CSMD3: variants seen among roughly 807,000 people sequenced by gnomAD.
CSMD3 encodes CUB and sushi domain-containing protein 3.
CSMD3 carries 177 observed loss-of-function variants against 435.2 expected under a neutral mutation model. That is an observed-to-expected ratio of 0.41 (90% CI 0.36 to 0.46). The LOEUF (loss-of-function observed/expected upper bound fraction) is 0.46. Among genes scored for constraint, CSMD3 ranks in the 20% least tolerant of loss-of-function variants. The pLI is 0.34. For missense variants in CSMD3, 4,265 were observed against 4,504.6 expected (o/e 0.95, Z 1.52); for synonymous variants, 1,656 against 1,520.5 (o/e 1.09, Z -2.07).
At chr8:113,078,635 T>A (rs1431270383) in intron 5 of CSMD3, among the ~76,000 whole-genome samples, 1 of 152,204 alleles carries the variant, frequency 6.6e-6, no homozygotes, top group Admixed American at 6.5e-5. Context: ...TTCTGGTTAA[T>A]TTTTGAACAC....
At chr8:112,387,588 T>C (rs964321992) in intron 36 of CSMD3, among the ~76,000 whole-genome samples, 5 of 152,048 alleles carry the variant, frequency 3.3e-5, no homozygotes, top group Non-Finnish European at 1.5e-5. Flanking sequence ...GATAGTTTTT[T>C]TTTAGCGTGT....
intron 38 of CSMD3, among the ~76,000 whole-genome samples, chr8:112,366,198 T>A (rs555670758): frequency 1.2e-3 from 181 of 152,284 alleles, no homozygotes; most frequent in African/African-American, 4.2e-3. Context: ...GTTCAAGGCA[T>A]TCTGCTGGTT....
intron 5 of CSMD3, among the ~76,000 whole-genome samples, chr8:113,062,023 A>G (rs900992847): frequency 6.7e-6 from 1 of 150,348 alleles, no homozygotes; most frequent in African/African-American, 2.4e-5. Context: ...TCTTAGTTTG[A>G]AAACTCTTAA....
chr8:112,606,034 T>C (rs778395436), intron 22 of CSMD3, among the ~76,000 whole-genome samples: 4 of 152,146 alleles, frequency 2.6e-5, no homozygotes, highest in South Asian at 2.1e-4. Context: ...CATCATCCTC[T>C]GAAGCAGCCT....
intron 6 of CSMD3, among the ~76,000 whole-genome samples, chr8:112,995,666 C>T (rs1465280222): frequency 2.6e-5 from 4 of 151,178 alleles, no homozygotes; most frequent in Non-Finnish European, 5.9e-5. Flanking sequence ...TATTTAAGGA[C>T]GATGGAAGCA....
At chr8:112,792,324 GA>G (rs1472809689) in intron 13 of CSMD3, among the ~76,000 whole-genome samples, 2 of 152,146 alleles carry the variant, frequency 1.3e-5, no homozygotes, top group African/African-American at 4.8e-5. Context: ...CAGGGTGCCA[GA>G]ATAGTTGGGT....
chr8:113,372,810 T>G (rs2094354677), intron 1 of CSMD3, among the ~76,000 whole-genome samples: 1 of 151,798 alleles, frequency 6.6e-6, no homozygotes. Context: ...GGCGGGCGCC[T>G]GTAGTCCCAG....
At position 113,001,888 on chromosome 8, in the gene CSMD3, A is replaced by G. The variant is rs73702272; in HGVS notation, c.1030+17179T>C. On this transcript the variant is annotated intron_variant, in intron 6 of 70. Coordinates refer to ENST00000297405, the MANE Select transcript of CSMD3 (RefSeq NM_198123.2). ...CCTGTCCCTTAGCAAAGTACATAGT[A>G]CATTGTTAGTAAACTTTTGTTGAAT... Among the ~76,000 whole-genome samples, 1,176 of 152,152 alleles carry G rather than the reference A, an allele frequency of 7.7e-3. 18 individuals are homozygous for G. The highest frequency in any genetic ancestry group is 0.027 in the African/African-American group (1,126 of 41,532).
At chr8:112,574,210 T>A (rs1327409462) in intron 23 of CSMD3, among the ~76,000 whole-genome samples, 1 of 152,050 alleles carries the variant, frequency 6.6e-6, no homozygotes, top group East Asian at 1.9e-4. Flanking sequence ...AAAATGAAAC[T>A]GATAAGCTCC....
intron 57 of CSMD3, among the ~76,000 whole-genome samples, chr8:112,288,761 C>A (rs1380510680): frequency 6.6e-6 from 1 of 151,902 alleles, no homozygotes; most frequent in Non-Finnish European, 1.5e-5. Context: ...CAAATACTTA[C>A]TCTGTGAACA....
intron 27 of CSMD3, among the ~76,000 whole-genome samples, chr8:112,530,528 C>G (rs1297643511): frequency 6.6e-6 from 1 of 152,008 alleles, no homozygotes; most frequent in African/African-American, 2.4e-5. Flanking sequence ...GAAAAAATAG[C>G]CTGCCACCAT....
chr8:113,296,916 T>C (rs1208632029), intron 2 of CSMD3, among the ~76,000 whole-genome samples: 5 of 152,128 alleles, frequency 3.3e-5, no homozygotes, highest in Non-Finnish European at 5.9e-5. Flanking sequence ...TGGCTTCAAG[T>C]TGCATCCTTG....
At chr8:113,167,242 A>G (rs2092169621) in intron 4 of CSMD3, among the ~76,000 whole-genome samples, 1 of 152,188 alleles carries the variant, frequency 6.6e-6, no homozygotes, top group East Asian at 1.9e-4. Context: ...CTTCTATAAG[A>G]TTTTTAAAAT....
intron 45 of CSMD3, among the ~76,000 whole-genome samples, 191 bp from the exon 46 acceptor site, chr8:112,320,172 A>G (rs1822860060): frequency 6.6e-6 from 1 of 152,142 alleles, no homozygotes; most frequent in Non-Finnish European, 1.5e-5. Flanking sequence ...CATGGTAACA[A>G]TGCTTACTTT....
At chr8:112,909,415 T>G (rs1407526870) in intron 10 of CSMD3, among the ~76,000 whole-genome samples, 2 of 151,698 alleles carry the variant, frequency 1.3e-5, no homozygotes. Flanking sequence ...ACATATTTTT[T>G]TTAAAAAATC....
At chr8:112,527,846 C>G (rs73700991) in intron 27 of CSMD3, among the ~76,000 whole-genome samples, 2,343 of 152,058 alleles carry the variant, frequency 0.015, 65 homozygotes, top group African/African-American at 0.053. Context: ...ATCAATGTTA[C>G]TGATTATTTG....
chr8:113,302,681 G>A (rs1376706967), intron 2 of CSMD3, among the ~76,000 whole-genome samples: 3 of 151,544 alleles, frequency 2.0e-5, no homozygotes, highest in Non-Finnish European at 2.9e-5. Context: ...CTCAATAGAT[G>A]CAGAAAAAGC....
intron 6 of CSMD3, among the ~76,000 whole-genome samples, chr8:113,001,069 T>A (rs2131069635): frequency 6.6e-6 from 1 of 152,122 alleles, no homozygotes; most frequent in South Asian, 2.1e-4. Flanking sequence ...CAACATAAAT[T>A]TATAGTAAAT....
chr8:113,347,961 A>T (rs558199851), intron 1 of CSMD3, among the ~76,000 whole-genome samples: 1 of 152,264 alleles, frequency 6.6e-6, no homozygotes, highest in African/African-American at 2.4e-5. Context: ...AAAATAAATC[A>T]TTAAAAAATG....
Sources: gnomAD v4.1 joint callset for allele counts (sites outside exome capture counted in the v4.1 genomes callset) on GRCh38, gnomAD v4.1.1 for gene constraint, MANE v1.5 for transcripts, NCBI Gene and HGNC (gene_info 2026-07-23, HGNC 2026-07-21) for gene names.